UNC13A: variants seen among roughly 807,000 people sequenced by gnomAD.
UNC13A encodes unc-13 homolog A, also known as protein unc-13 homolog A.
Under a neutral mutation model 219.7 loss-of-function variants are expected in UNC13A, and 61 were observed. The ratio of observed to expected loss-of-function variants is 0.28; its 90% confidence interval spans 0.23 to 0.34. The LOEUF is 0.34. UNC13A is among the 10% of genes least tolerant of loss of function. The pLI is 1.00. For synonymous variants in UNC13A, 920 were observed against 884.6 expected, an observed-to-expected ratio of 1.04 and a Z score of -0.71; for missense variants, 1,476 against 2,270.3, an observed-to-expected ratio of 0.65 and a Z score of 7.11.
chr19:17,635,708 G>C (rs982384944), intron 26 of UNC13A, among the ~76,000 whole-genome samples: 1 of 151,982 alleles, frequency 6.6e-6, no homozygotes, highest in Non-Finnish European at 1.5e-5. Flanking sequence ...AGTAATACTT[G>C]AGCAACACTA....
At chr19:17,678,586 G>C (rs777464996) in intron 1 of UNC13A, among the ~76,000 whole-genome samples, 2 of 151,552 alleles carry the variant, frequency 1.3e-5, no homozygotes, top group Non-Finnish European at 2.9e-5. Flanking sequence ...TTTTTTTCTA[G>C]GTCTGGTTTG....
chr19:17,635,236 A>G (rs755704926), intron 26 of UNC13A, among the ~76,000 whole-genome samples: 14 of 150,552 alleles, frequency 9.3e-5, no homozygotes, highest in Non-Finnish European at 2.1e-4. Flanking sequence ...CCTGACCTCA[A>G]ATGATCCACC....
intron 31 of UNC13A, among the ~76,000 whole-genome samples, chr19:17,628,930 C>T (rs1333725574): frequency 6.6e-6 from 1 of 152,024 alleles, no homozygotes; most frequent in East Asian, 1.9e-4. Flanking sequence ...CCAGACAAAA[C>T]ATGATCAGAC....
intron 28 of UNC13A, among the ~76,000 whole-genome samples, chr19:17,631,177 CCTTT>C (rs1395372256): frequency 5.3e-4 from 6 of 11,320 alleles, no homozygotes; most frequent in African/African-American, 2.3e-3. Flanking sequence ...CTCCCTCCCT[CCTTT>C]CCTTCCTTCC....
At chr19:17,630,368 G>A (rs557729975) in intron 29 of UNC13A, 80 bp from the exon 30 acceptor site, 24 of 1,522,034 alleles carry the variant, frequency 1.6e-5, no homozygotes, top group East Asian at 4.9e-5. Context: ...CACTCTCCAC[G>A]GGGAGAGCCA....
In UNC13A at chr19:17,648,609, G is replaced by A; in HGVS notation, c.1638C>T (p.Tyr546=). 1 of 1,612,946 alleles carries A rather than the reference G, an allele frequency of 6.2e-7. No homozygotes were observed. The highest frequency in any genetic ancestry group is 8.5e-7 in the Non-Finnish European group (1 of 1,179,098). The change falls in exon 16 of 44, where the codon TAC becomes TAT. Residue 546 remains tyrosine (Y), a synonymous_variant. Coordinates refer to ENST00000519716, the MANE Select transcript of UNC13A (RefSeq NM_001080421.3). ...TGTGTGGCGTCGTGCACGAGATGGG[G>A]TAGATTAAGGCTTGCAGGGTCTTCT... is the stretch of plus-strand genomic sequence containing the variant. The part of the protein sequence containing the change: ...VYKKTLQALI[Y]PISCTTPHNF...
At chr19:17,682,759 C>T (rs1023700775) in intron 1 of UNC13A, among the ~76,000 whole-genome samples, 2 of 152,070 alleles carry the variant, frequency 1.3e-5, no homozygotes, top group Non-Finnish European at 2.9e-5. Flanking sequence ...TTACTAGATG[C>T]ATGAGAGAAG....
At chr19:17,685,919 C>T (rs1288401129) in intron 1 of UNC13A, among the ~76,000 whole-genome samples, 1 of 151,988 alleles carries the variant, frequency 6.6e-6, no homozygotes, top group East Asian at 1.9e-4. Flanking sequence ...CCCAACATCT[C>T]TCGTGCTCAG....
At chr19:17,683,238 G>A (rs1222427398) in intron 1 of UNC13A, among the ~76,000 whole-genome samples, 1 of 152,176 alleles carries the variant, frequency 6.6e-6, no homozygotes, top group Non-Finnish European at 1.5e-5. Context: ...CACCAGGCAA[G>A]TTGTTAAAGC....
At chr19:17,631,150 G>C (rs2076842849) in intron 28 of UNC13A, among the ~76,000 whole-genome samples, 1 of 70,096 alleles carries the variant, frequency 1.4e-5, no homozygotes, top group Non-Finnish European at 2.7e-5. Flanking sequence ...CTGAGCTCTT[G>C]TTTTCTCCCT....
chr19:17,656,010 C>T lies in UNC13A; in HGVS notation c.1156G>A (p.Asp386Asn), dbSNP rs1426396911. The change falls in exon 10 of 44, where the codon GAC (aspartate) becomes AAC (asparagine). Residue 386 changes from aspartate (D) to asparagine (N), a missense_variant. Transcript: ENST00000519716. ...TCGGTGGGTGCCACTGGGGCCTTGT[C>T]CTCCTTCCCTGGGGCAGCTGGCGGG... ...SLPPAAPGKE[D>N]KAPVAPTEAP... 2 of 1,579,746 alleles carry T rather than the reference C, an allele frequency of 1.3e-6. No homozygotes were observed. The highest frequency in any genetic ancestry group is 1.8e-5 in the Admixed American group (1 of 54,878).
chr19:17,639,696 T>A, intron 23 of UNC13A, 144 bp downstream of exon 23: 1 of 1,144,164 alleles, frequency 8.7e-7, no homozygotes, highest in Non-Finnish European at 1.3e-6. Flanking sequence ...CGGCAGGTAG[T>A]GCCCATGCAG....
chr19:17,626,134 C>T (rs550079728), intron 34 of UNC13A, among the ~76,000 whole-genome samples: 9 of 150,766 alleles, frequency 6.0e-5, no homozygotes, highest in East Asian at 5.9e-4. Context: ...AATATTTATC[C>T]ACATATCCAA....
At chr19:17,640,880 C>CTTTTT (rs10531732) in intron 21 of UNC13A, among the ~76,000 whole-genome samples, 4 of 139,756 alleles carry the variant, frequency 2.9e-5, no homozygotes, top group African/African-American at 5.4e-5. Flanking sequence ...TTCTTTCTTT[C>CTTTTT]TTTTTTTTTT....
chr19:17,662,094 T>C (rs1466507110), intron 8 of UNC13A, among the ~76,000 whole-genome samples: 1 of 151,904 alleles, frequency 6.6e-6, no homozygotes, highest in African/African-American at 2.4e-5. Context: ...ATACAAAAAA[T>C]TAGCTGGGCA....
At chr19:17,615,221 T>C (rs918736451) in intron 41 of UNC13A, among the ~76,000 whole-genome samples, 1 of 152,206 alleles carries the variant, frequency 6.6e-6, no homozygotes, top group Non-Finnish European at 1.5e-5. Flanking sequence ...TGGAGGCTCA[T>C]GCCTGTAATC....
chr19:17,609,117 C>T (rs899279774), intron 43 of UNC13A, among the ~76,000 whole-genome samples: 6 of 141,282 alleles, frequency 4.2e-5, no homozygotes, highest in African/African-American at 1.6e-4. Context: ...GCCACCACAC[C>T]CGGCTAATTT....
In UNC13A at chr19:17,674,691, C is replaced by T; in HGVS notation, c.118G>A (p.Gly40Ser). 1.2e-6 allele frequency: 2 copies of T among 1,613,918 alleles called. No homozygotes were observed. The highest frequency in any genetic ancestry group is 1.7e-6 in the Non-Finnish European group (2 of 1,179,874). ...TCCTGCTCCCAGCTGGGCTGGCTGC[C>T]CCGCACCGCGATGGTCGTGCTCTTG... Reference protein sequence around the residue: ...NVKSTTIAVRGSQPSWEQDFM... With the variant: ...NVKSTTIAVRSSQPSWEQDFM... Residue 40 changes from glycine (G) to serine (S), a missense_variant, in exon 3 of 44, where the codon GGC becomes AGC. This residue lies in a region of UNC13A where 203 missense variants were observed against 301.6 expected (regional missense o/e 0.67). Transcript: ENST00000519716. This position sits in a 1 kb window ranked among gnomAD's most constrained non-coding sequence, Gnocchi z 5.0.
At chr19:17,615,808 T>C (rs139353254) in intron 41 of UNC13A, among the ~76,000 whole-genome samples, 8 of 152,200 alleles carry the variant, frequency 5.3e-5, no homozygotes, top group African/African-American at 1.7e-4. Context: ...GCCACCTCTC[T>C]ACAAAAAAAA....
Sources: allele counts gnomAD v4.1 joint callset (sites outside exome capture counted in the v4.1 genomes callset), GRCh38; gene constraint gnomAD v4.1.1; regional missense constraint gnomAD v4.1.1; non-coding constraint Gnocchi (gnomAD v3.1); transcripts MANE v1.5; gene names NCBI Gene and HGNC (gene_info 2026-07-23, HGNC 2026-07-21).